The following LEKR1 variants were observed in gnomAD, a reference collection of about 807,000 sequenced individuals.
LEKR1 encodes the protein protein LEKR1.
LEKR1 carries 59 observed loss-of-function variants against 72.4 expected under a neutral mutation model. That is an observed-to-expected ratio of 0.82 (90% CI 0.66 to 1.01). The LOEUF is 1.01. Ranked by LOEUF, LEKR1 falls within the 50% of genes least tolerant of loss-of-function variation. The pLI is 0.00. For synonymous variants in LEKR1, 257 were observed against 263.2 expected (o/e 0.98, Z 0.23); for missense variants, 728 against 759.2 (o/e 0.96, Z 0.48).
chr3:156,963,277 ACCT>A (rs1560110348), intron 6 of LEKR1, among the ~76,000 whole-genome samples: 1 of 152,184 alleles, frequency 6.6e-6, no homozygotes. Context: ...CCTCAGGGAA[ACCT>A]CAGCTAAGCA....
At chr3:156,866,816 A>G (rs149508818) in intron 3 of LEKR1, among the ~76,000 whole-genome samples, 210 of 152,072 alleles carry the variant, frequency 1.4e-3, no homozygotes, top group African/African-American at 4.9e-3. Flanking sequence ...AAACTACTGG[A>G]AAAGAGAGAC....
chr3:156,839,853 C>T (rs930081992), intron 2 of LEKR1, among the ~76,000 whole-genome samples: 5 of 152,138 alleles, frequency 3.3e-5, no homozygotes, highest in East Asian at 1.9e-4. Flanking sequence ...TATATAGAAA[C>T]ATTTTTAGAG....
chr3:156,930,480 T>A lies in LEKR1; in HGVS notation c.559+2876T>A, dbSNP rs187102861. Among the ~76,000 whole-genome samples the A allele has an allele frequency of 2.1e-3, 313 of 152,262 alleles. 2 individuals carry two copies. The Middle Eastern group carries it at 0.027, about 13-fold the overall frequency. ...TAAATGGATTCATTTTGTTGGACTA[T>A]ATTTGTATTTTATGTGACATGGCAG... On this transcript the variant is annotated intron_variant, in intron 5 of 12. Coordinates refer to ENST00000356539, the MANE Select transcript of LEKR1 (RefSeq NM_001004316.3).
intron 5 of LEKR1, among the ~76,000 whole-genome samples, chr3:156,936,515 T>C (rs1274470773): frequency 3.3e-5 from 5 of 151,924 alleles, no homozygotes; most frequent in Non-Finnish European, 1.5e-5. Context: ...TAGCTATAAC[T>C]ATTCTTTTTT....
intron 3 of LEKR1, among the ~76,000 whole-genome samples, chr3:156,900,769 A>G (rs1721949344): frequency 6.6e-6 from 1 of 152,192 alleles, no homozygotes; most frequent in Non-Finnish European, 1.5e-5. Flanking sequence ...TTTTCCTCAG[A>G]GTATGGCAGG....
At position 156,852,934 on chromosome 3, in the gene LEKR1, G is replaced by A. The variant is rs1221152166; in HGVS notation, c.215G>A (p.Ser72Asn). The A allele has an allele frequency of 6.5e-7, 1 of 1,535,782 alleles. No homozygotes were observed. Among genetic ancestry groups the A allele is most frequent in the Non-Finnish European group, 8.7e-7 (1 of 1,146,150 alleles). ...KRLQEKLHSLSQELEQYKIDN... is the reference protein window; with the variant it reads ...KRLQEKLHSLNQELEQYKIDN... ...CTTCAAGAAAAGCTGCATTCTCTTA[G>A]CCAAGAACTTGAACAGTACAAAATT... The change falls in exon 3 of 13, where the codon AGC becomes AAC. Residue 72 changes from serine (S) to asparagine (N), a missense_variant. Physicochemically the swap from Ser to Asn is conservative, Grantham distance 46 (BLOSUM62 1). Coordinates refer to ENST00000356539, the MANE Select transcript of LEKR1 (RefSeq NM_001004316.3).
chr3:157,045,943 T>C lies in LEKR1; in HGVS notation c.*193T>C. On this transcript the variant is annotated 3_prime_UTR_variant, in exon 13 of 13. Coordinates refer to ENST00000356539, the MANE Select transcript of LEKR1 (RefSeq NM_001004316.3). Reference sequence around the variant, plus strand: ...GCCTTATTTTTCAAGAGGGTTTTGATAGAGTAACAGATCATTAAGTTGTTG... The same window carrying C: ...GCCTTATTTTTCAAGAGGGTTTTGACAGAGTAACAGATCATTAAGTTGTTG... 1 of 573,528 alleles carries C rather than the reference T, an allele frequency of 1.7e-6. No homozygotes were observed. The highest frequency in any genetic ancestry group is 2.5e-5 in the South Asian group (1 of 40,100). The allele number at this position is 573,528 out of a possible 1,614,324, so 35.5% of individuals were successfully genotyped here.
chr3:156,897,514 A>G (rs188492121), intron 3 of LEKR1, among the ~76,000 whole-genome samples: 1 of 152,182 alleles, frequency 6.6e-6, no homozygotes, highest in African/African-American at 2.4e-5. Context: ...TTGGTCCAGA[A>G]AGGCAGGACA....
chr3:157,003,462 G>C (rs933259911), intron 9 of LEKR1, among the ~76,000 whole-genome samples: 3 of 152,102 alleles, frequency 2.0e-5, no homozygotes, highest in Non-Finnish European at 4.4e-5. Context: ...GAATCTTAAG[G>C]GGGTAAAATC....
rs759911262 is a variant in LEKR1 at position 157,024,819 on chromosome 3, T to C, written c.1263T>C (p.Ala421=). 2 of 1,612,214 alleles carry C rather than the reference T, an allele frequency of 1.2e-6. No homozygotes were observed. The highest frequency in any genetic ancestry group is 2.7e-5 in the African/African-American group (2 of 74,794). ...ACTTGGTTGAATTTGAAGAGCAAGC[T>C]CTTCTCTTTAAGGAAGAAACAAAAT... ...AQHLVEFEEQ[A]LLFKEETKLQ... The change falls in exon 11 of 13, where the codon GCT becomes GCC. Residue 421 remains alanine (A), a synonymous_variant. Coordinates refer to ENST00000356539, the MANE Select transcript of LEKR1 (RefSeq NM_001004316.3).
chr3:156,950,485 T>C (rs1314481371), intron 6 of LEKR1, among the ~76,000 whole-genome samples: 1 of 151,534 alleles, frequency 6.6e-6, no homozygotes, highest in African/African-American at 2.4e-5. Context: ...GATGTTCTTC[T>C]ATTTCTTTTT....
chr3:156,974,102 A>G (rs1343718685), intron 6 of LEKR1, among the ~76,000 whole-genome samples: 1 of 152,158 alleles, frequency 6.6e-6, no homozygotes, highest in Non-Finnish European at 1.5e-5. Flanking sequence ...ATTTATGGTG[A>G]CAAGGTTTCA....
At chr3:156,877,340 A>G (rs1025158148) in intron 3 of LEKR1, among the ~76,000 whole-genome samples, 5 of 152,126 alleles carry the variant, frequency 3.3e-5, no homozygotes, top group Admixed American at 6.5e-5. Context: ...GTTTCATAGA[A>G]TGATGTAGGG....
intron 1 of LEKR1, chr3:156,826,628 T>G: frequency 6.4e-6 from 1 of 155,696 alleles, no homozygotes; most frequent in Middle Eastern, 5.2e-4. Flanking sequence ...CTCTGCTTCC[T>G]CACCCCCGCA....
intron 3 of LEKR1, among the ~76,000 whole-genome samples, chr3:156,884,193 G>A (rs1719809102): frequency 1.3e-5 from 2 of 152,166 alleles, no homozygotes; most frequent in South Asian, 4.1e-4. Context: ...CTTGAAGACA[G>A]CAGATACTTG....
intron 3 of LEKR1, chr3:156,888,255 A>G (rs1720304368): frequency 1.4e-6 from 1 of 693,126 alleles, no homozygotes. Context: ...AAGGAAATGC[A>G]CAGTTGATAT....
chr3:156,984,430 A>C (rs1221504442), intron 7 of LEKR1, among the ~76,000 whole-genome samples: 1 of 152,150 alleles, frequency 6.6e-6, no homozygotes, highest in Non-Finnish European at 1.5e-5. Context: ...TAATCTCAAC[A>C]CTTTGGGAGG....
At chr3:156,912,619 C>G (rs1723223283) in intron 3 of LEKR1, among the ~76,000 whole-genome samples, 2 of 152,180 alleles carry the variant, frequency 1.3e-5, no homozygotes, top group African/African-American at 2.4e-5. Flanking sequence ...GGGTTCTGGC[C>G]AAGGGAGTTC....
intron 3 of LEKR1, among the ~76,000 whole-genome samples, chr3:156,876,390 A>T (rs1390099112): frequency 6.6e-6 from 1 of 152,124 alleles, no homozygotes; most frequent in Non-Finnish European, 1.5e-5. Flanking sequence ...ACTTTGATAG[A>T]AATTGCTTTG....
Sources: gnomAD v4.1 joint callset for allele counts (sites outside exome capture counted in the v4.1 genomes callset) on GRCh38, gnomAD v4.1.1 for gene constraint, MANE v1.5 for transcripts, NCBI Gene and HGNC (gene_info 2026-07-23, HGNC 2026-07-21) for gene names.